The following ZNF236 variants were observed in gnomAD, a reference collection of about 807,000 sequenced individuals.
ZNF236 encodes the protein regulated by glucose.
In ZNF236, 50 loss-of-function variants were observed where a neutral mutation model predicts 191.2. The ratio of observed to expected loss-of-function variants is 0.26; its 90% CI spans 0.21 to 0.33. The LOEUF (loss-of-function observed/expected upper bound fraction) is 0.33. Among genes scored for constraint, ZNF236 ranks in the 10% least tolerant of loss-of-function variants. ZNF236 has a pLI of 1.00. For missense variants in ZNF236, 1,754 were observed against 2,374.5 expected (o/e 0.74, Z 5.43); for synonymous variants, 907 against 928.8 (o/e 0.98, Z 0.43).
At chr18:76,888,932 C>T (rs543928499) in intron 9 of ZNF236, among the ~76,000 whole-genome samples, 11 of 152,330 alleles carry the variant, frequency 7.2e-5, no homozygotes, top group African/African-American at 2.6e-4. Flanking sequence ...GTCTATGGCA[C>T]CTTCTCTTGC....
intron 26 of ZNF236, among the ~76,000 whole-genome samples, chr18:76,943,142 A>AAAAAAAG (rs1042975454): frequency 6.7e-6 from 1 of 149,636 alleles, no homozygotes; most frequent in African/African-American, 2.5e-5. Flanking sequence ...AAAAAAAAAA[A>AAAAAAAG]GAAGAGCAAA....
intron 1 of ZNF236, among the ~76,000 whole-genome samples, chr18:76,848,067 T>C (rs1383831795): frequency 6.6e-6 from 1 of 152,192 alleles, no homozygotes; most frequent in African/African-American, 2.4e-5. Flanking sequence ...GCCCCTCCCA[T>C]GTGGGCTTCA....
intron 26 of ZNF236, among the ~76,000 whole-genome samples, chr18:76,945,620 C>T (rs1029045106): frequency 4.6e-5 from 7 of 152,188 alleles, no homozygotes; most frequent in African/African-American, 1.7e-4. Context: ...ACCCCCATCT[C>T]TACTGAGAAT....
At chr18:76,827,547 A>G (rs1165239321) in intron 1 of ZNF236, among the ~76,000 whole-genome samples, 1 of 152,206 alleles carries the variant, frequency 6.6e-6, no homozygotes, top group Non-Finnish European at 1.5e-5. Context: ...CTAGAATACA[A>G]AGCTGAACAA....
At chr18:76,836,868 C>T (rs369497208) in intron 1 of ZNF236, among the ~76,000 whole-genome samples, 15 of 151,670 alleles carry the variant, frequency 9.9e-5, no homozygotes, top group African/African-American at 1.5e-4. Flanking sequence ...TGAGCCACCG[C>T]GCCCGGCCTA....
chr18:76,863,865 A>G (rs1183524633), intron 3 of ZNF236, among the ~76,000 whole-genome samples: 1 of 152,246 alleles, frequency 6.6e-6, no homozygotes, highest in Non-Finnish European at 1.5e-5. Flanking sequence ...AGGAAATGAC[A>G]CCAGAAGGAG....
chr18:76,852,593 A>G (rs1423705698), intron 3 of ZNF236, among the ~76,000 whole-genome samples: 1 of 151,852 alleles, frequency 6.6e-6, no homozygotes, highest in African/African-American at 2.4e-5. Flanking sequence ...TGAGGCCAGG[A>G]GTTTGAAACC....
At chr18:76,839,715 T>G (rs906279132) in intron 1 of ZNF236, among the ~76,000 whole-genome samples, 1 of 152,160 alleles carries the variant, frequency 6.6e-6, no homozygotes, top group African/African-American at 2.4e-5. Context: ...CATGTTTTAT[T>G]GAACATGGGG....
intron 25 of ZNF236, among the ~76,000 whole-genome samples, chr18:76,929,607 G>A (rs143687251): frequency 1.5e-3 from 225 of 152,166 alleles, no homozygotes; most frequent in African/African-American, 5.1e-3. Flanking sequence ...AAGTGTAGAT[G>A]AATATAACTA....
intron 3 of ZNF236, among the ~76,000 whole-genome samples, chr18:76,861,581 T>G (rs1179518344): frequency 6.6e-6 from 1 of 152,260 alleles, no homozygotes; most frequent in African/African-American, 2.4e-5. Flanking sequence ...AAATAATACA[T>G]TCCTTGCTGC....
chr18:76,839,789 A>G (rs1273153156), intron 1 of ZNF236, among the ~76,000 whole-genome samples: 1 of 152,242 alleles, frequency 6.6e-6, no homozygotes, highest in African/African-American at 2.4e-5. Context: ...TTTATCTAAA[A>G]GTTAATATGT....
At chr18:76,900,749 A>G (rs1412100344) in intron 11 of ZNF236, among the ~76,000 whole-genome samples, 1 of 152,238 alleles carries the variant, frequency 6.6e-6, no homozygotes, top group Non-Finnish European at 1.5e-5. Context: ...TAAGTAAAAT[A>G]TTTAACTAAA....
chr18:76,958,777 C>T (rs1184378210), intron 28 of ZNF236, among the ~76,000 whole-genome samples: 1 of 152,182 alleles, frequency 6.6e-6, no homozygotes, highest in Non-Finnish European at 1.5e-5. Flanking sequence ...CCCCACTCAC[C>T]TCCCGAGTTT....
At chr18:76,906,086 T>G (rs896167197) in intron 13 of ZNF236, among the ~76,000 whole-genome samples, 1 of 152,224 alleles carries the variant, frequency 6.6e-6, no homozygotes, top group Non-Finnish European at 1.5e-5. Flanking sequence ...GCTGCTGCCC[T>G]GGAACATTTG....
chr18:76,884,667 T>C (rs985374587), intron 9 of ZNF236, among the ~76,000 whole-genome samples: 1 of 152,172 alleles, frequency 6.6e-6, no homozygotes, highest in African/African-American at 2.4e-5. Context: ...TGTAATTGGC[T>C]GGCATCCTAC....
intron 5 of ZNF236, among the ~76,000 whole-genome samples, chr18:76,873,985 G>T (rs968378220): frequency 7.0e-6 from 1 of 143,864 alleles, no homozygotes; most frequent in African/African-American, 2.6e-5. Context: ...CACACAGGCA[G>T]TGCTGTGACT....
intron 10 of ZNF236, among the ~76,000 whole-genome samples, chr18:76,897,577 G>T (rs1977468503): frequency 6.6e-6 from 1 of 151,250 alleles, no homozygotes; most frequent in African/African-American, 2.4e-5. Context: ...CTGCACACAG[G>T]TGCCACACAC....
At chr18:76,851,208 C>A (rs75030106) in intron 2 of ZNF236, among the ~76,000 whole-genome samples, 3,416 of 149,888 alleles carry the variant, frequency 0.023, 83 homozygotes, top group African/African-American at 0.054. Flanking sequence ...TGTAAGCATG[C>A]ATACTTAGAC....
At chr18:76,842,358 CT>C (rs1317300960) in intron 1 of ZNF236, among the ~76,000 whole-genome samples, 1 of 151,788 alleles carries the variant, frequency 6.6e-6, no homozygotes, top group Non-Finnish European at 1.5e-5. Context: ...ACCAATGCTA[CT>C]TTTTTTCTGT....
Sources: allele counts gnomAD v4.1 joint callset (sites outside exome capture counted in the v4.1 genomes callset), GRCh38; gene constraint gnomAD v4.1.1; transcripts MANE v1.5; gene names NCBI Gene and HGNC (gene_info 2026-07-23, HGNC 2026-07-21).